The following CNTN5 variants were observed in gnomAD, a reference collection of about 807,000 sequenced individuals.
CNTN5 encodes the protein contactin 5.
A neutral mutation model predicts 129.1 loss-of-function variants in CNTN5; 77 were observed. That is an observed-to-expected ratio of 0.60 (90% CI 0.50 to 0.72). The LOEUF (loss-of-function observed/expected upper bound fraction) is 0.72, where lower values mean the gene tolerates loss of function less well. Among genes scored for constraint, CNTN5 ranks in the 30% least tolerant of loss-of-function variants. The pLI is 0.00. For synonymous variants in CNTN5, 509 were observed against 465.6 expected (o/e 1.09, Z -1.20); for missense variants, 1,478 against 1,328.8 (o/e 1.11, Z -1.75).
chr11:99,421,306 T>C (rs1036203550), intron 2 of CNTN5, among the ~76,000 whole-genome samples: 2 of 152,116 alleles, frequency 1.3e-5, no homozygotes, highest in Non-Finnish European at 2.9e-5. Context: ...AGATAACTTC[T>C]ACTAGTGAAG....
intron 3 of CNTN5, among the ~76,000 whole-genome samples, chr11:99,737,930 T>A (rs1025360565): frequency 1.2e-4 from 19 of 152,180 alleles, no homozygotes; most frequent in African/African-American, 4.3e-4. Flanking sequence ...TTTCATAGCA[T>A]AAAATCTTTG....
At chr11:99,766,727 T>C (rs539708651) in intron 3 of CNTN5, among the ~76,000 whole-genome samples, 45 of 152,218 alleles carry the variant, frequency 3.0e-4, no homozygotes, top group Admixed American at 1.9e-3. Context: ...TTTAATATGC[T>C]TTAAAGCAGA....
chr11:99,367,658 G>T (rs1000718621), intron 2 of CNTN5, among the ~76,000 whole-genome samples: 2 of 152,126 alleles, frequency 1.3e-5, no homozygotes, highest in Non-Finnish European at 1.5e-5. Context: ...TTCTAAAGAA[G>T]CAATAAGTAA....
At chr11:99,182,419 G>A (rs1322258114) in intron 1 of CNTN5, among the ~76,000 whole-genome samples, 2 of 151,890 alleles carry the variant, frequency 1.3e-5, no homozygotes, top group Non-Finnish European at 2.9e-5. Flanking sequence ...GATTCCTCTG[G>A]GGATTAGCTG....
At position 99,168,863 on chromosome 11, in the gene CNTN5, C is replaced by A. The variant is rs555329781; in HGVS notation, c.-210+147593C>A. 2.6e-5 allele frequency among the ~76,000 whole-genome samples: 4 copies of A among 152,294 alleles called. No individual in the cohort carries two copies. In the East Asian group the frequency reaches 7.7e-4, roughly 29 times the overall value. ...TGAAAGATTTTTCTTGGGAACATAGCACTGAATTCTAAATGAGCAGATCTG... is the reference window on the plus strand; with the variant it reads ...TGAAAGATTTTTCTTGGGAACATAGAACTGAATTCTAAATGAGCAGATCTG... On this transcript the variant is annotated intron_variant, in intron 1 of 24. Transcript: ENST00000524871.
At chr11:99,886,032 T>C (rs1204399055) in intron 6 of CNTN5, among the ~76,000 whole-genome samples, 3 of 152,108 alleles carry the variant, frequency 2.0e-5, no homozygotes, top group Admixed American at 6.6e-5. Flanking sequence ...ACTAGGAAAA[T>C]GTGTATCTAC....
intron 16 of CNTN5, among the ~76,000 whole-genome samples, chr11:100,247,917 C>A (rs1206940750): frequency 6.6e-6 from 1 of 152,026 alleles, no homozygotes; most frequent in African/African-American, 2.4e-5. Context: ...GAATTAGTCA[C>A]CATGGCCTGA....
chr11:99,786,449 A>G (rs955537854), intron 3 of CNTN5, among the ~76,000 whole-genome samples: 8 of 152,196 alleles, frequency 5.3e-5, no homozygotes, highest in South Asian at 4.1e-4. Context: ...TATAGATTCA[A>G]TGCTATTCCC....
intron 23 of CNTN5, among the ~76,000 whole-genome samples, chr11:100,347,384 G>A (rs933632167): frequency 6.6e-6 from 1 of 151,924 alleles, no homozygotes; most frequent in African/African-American, 2.4e-5. Flanking sequence ...TCTTTTCTCT[G>A]TTTCCACAAA....
chr11:100,297,848 G>A (rs1226976656), intron 19 of CNTN5, among the ~76,000 whole-genome samples, 153 bp downstream of exon 19: 6 of 151,468 alleles, frequency 4.0e-5, no homozygotes, highest in East Asian at 1.9e-4. Flanking sequence ...TAAATGCCAC[G>A]TTACCCTGGT....
chr11:100,338,755 ATCTCC>A (rs1438194997), intron 21 of CNTN5, among the ~76,000 whole-genome samples: 8 of 152,138 alleles, frequency 5.3e-5, no homozygotes, highest in Admixed American at 1.3e-4. Flanking sequence ...GGCAGGAAAA[ATCTCC>A]ATGTGGGACC....
chr11:99,950,069 C>A (rs1015761565), intron 7 of CNTN5, among the ~76,000 whole-genome samples: 1 of 152,080 alleles, frequency 6.6e-6, no homozygotes, highest in Admixed American at 6.6e-5. Context: ...TTTTGTTCAA[C>A]CAAGATAACT....
In CNTN5 at chr11:99,727,235, A is replaced by G. The variant is rs1200059719; in HGVS notation, c.56-92309A>G. ...GCAGGAGAATGGCGTGAACCCGGGA[A>G]GCGGAGCTTGCAGTGAGCCGAGATT... On this transcript the variant is annotated intron_variant, in intron 3 of 24. Transcript: ENST00000524871. 4.3e-5 allele frequency among the ~76,000 whole-genome samples: 6 copies of G among 139,788 alleles called. No individual in the cohort carries two copies. In the Admixed American group the frequency reaches 4.4e-4, roughly 10 times the overall value. The allele number at this position is 139,788 out of a possible 152,430, so 91.7% of individuals were successfully genotyped here.
intron 3 of CNTN5, among the ~76,000 whole-genome samples, chr11:99,781,419 A>G (rs563589292): frequency 6.6e-6 from 1 of 152,218 alleles, no homozygotes; most frequent in Non-Finnish European, 1.5e-5. Context: ...ATAACTTCTT[A>G]AGAATGAGAA....
chr11:99,561,971 C>T (rs1948858497), intron 3 of CNTN5, among the ~76,000 whole-genome samples: 1 of 152,056 alleles, frequency 6.6e-6, no homozygotes, highest in African/African-American at 2.4e-5. Context: ...AAGTATGCCT[C>T]CTTGGCATAC....
chr11:100,074,132 CT>C lies in CNTN5; in HGVS notation c.1430-6del, dbSNP rs749835685. ...TGCTTCTGGTAGAAACTAACATTTGCTTTTTTAATAGCTTCAGCTCCCACTT... is the reference window on the plus strand; with the variant it reads ...TGCTTCTGGTAGAAACTAACATTTGCTTTTTAATAGCTTCAGCTCCCACTT... On this transcript the variant is annotated splice_polypyrimidine_tract_variant and intron_variant, in intron 12 of 24. Coordinates refer to ENST00000524871, the MANE Select transcript of CNTN5 (RefSeq NM_014361.4). The C allele has an allele frequency of 1.9e-6, 3 of 1,603,736 alleles. No individual in the cohort carries two copies. The highest frequency in any genetic ancestry group is 2.2e-5 in the East Asian group (1 of 44,674).
At chr11:99,210,824 C>T (rs1044132637) in intron 1 of CNTN5, among the ~76,000 whole-genome samples, 18 of 151,008 alleles carry the variant, frequency 1.2e-4, no homozygotes, top group Admixed American at 4.6e-4. Flanking sequence ...CTAACATTTT[C>T]TCCTTGATCA....
chr11:99,226,354 A>G (rs529597593), intron 1 of CNTN5, among the ~76,000 whole-genome samples: 18 of 152,316 alleles, frequency 1.2e-4, no homozygotes, highest in Admixed American at 5.9e-4. Context: ...TTATTAATTC[A>G]ACATAGTTTA....
At chr11:100,195,215 C>A (rs1266622216) in intron 15 of CNTN5, among the ~76,000 whole-genome samples, 1 of 151,894 alleles carries the variant, frequency 6.6e-6, no homozygotes, top group Non-Finnish European at 1.5e-5. Flanking sequence ...TTAGGATTGT[C>A]TGCAAACATC....
Sources: allele counts gnomAD v4.1 joint callset (sites outside exome capture counted in the v4.1 genomes callset), GRCh38; gene constraint gnomAD v4.1.1; transcripts MANE v1.5; gene names NCBI Gene and HGNC (gene_info 2026-07-23, HGNC 2026-07-21).